Variants in MACROD2 observed in about 807,000 individuals in gnomAD.
MACROD2 encodes mono-ADP ribosylhydrolase 2.
A neutral mutation model predicts 70.4 loss-of-function variants in MACROD2; 36 were observed. That is an observed-to-expected ratio of 0.51 (90% CI 0.39 to 0.68). The LOEUF is 0.68. Among genes scored for constraint, MACROD2 ranks in the 30% least tolerant of loss-of-function variants. The pLI is 0.00. For synonymous variants in MACROD2, 172 were observed against 178.8 expected, an observed-to-expected ratio of 0.96 and a Z score of 0.30; for missense variants, 496 against 538.4, an observed-to-expected ratio of 0.92 and a Z score of 0.78.
At chr20:14,523,161 A>G (rs1040314035) in intron 4 of MACROD2, among the ~76,000 whole-genome samples, 13 of 152,232 alleles carry the variant, frequency 8.5e-5, no homozygotes, top group Non-Finnish European at 8.8e-5. Flanking sequence ...AGAAAAAAGG[A>G]AGCAAAGGGA....
chr20:15,223,403 T>G (rs557079975), intron 5 of MACROD2, among the ~76,000 whole-genome samples: 1 of 152,344 alleles, frequency 6.6e-6, no homozygotes, highest in South Asian at 2.1e-4. Flanking sequence ...ATGCTAATTC[T>G]GTGACAGCCA....
At chr20:14,037,082 A>G (rs545353813) in intron 2 of MACROD2, among the ~76,000 whole-genome samples, 104 of 152,218 alleles carry the variant, frequency 6.8e-4, no homozygotes, top group Non-Finnish European at 1.4e-3. Context: ...GTGGCATAAC[A>G]TGGTTTTTTA....
intron 4 of MACROD2, among the ~76,000 whole-genome samples, chr20:14,546,704 C>T (rs1384558431): frequency 6.6e-6 from 1 of 152,096 alleles, no homozygotes; most frequent in Non-Finnish European, 1.5e-5. Context: ...TAAACTCCTT[C>T]AGTTAGCCTA....
chr20:15,190,750 G>C (rs1327112941), intron 5 of MACROD2, among the ~76,000 whole-genome samples: 1 of 152,158 alleles, frequency 6.6e-6, no homozygotes, highest in Admixed American at 6.5e-5. Context: ...GGAGGCCTTA[G>C]AGTGGTTTCT....
intron 3 of MACROD2, among the ~76,000 whole-genome samples, chr20:14,294,972 G>T (rs2082415059): frequency 6.6e-6 from 1 of 151,628 alleles, no homozygotes; most frequent in South Asian, 2.1e-4. Context: ...GTCAGAAACA[G>T]CCAGTCAGTG....
At chr20:16,030,105 C>T (rs189970497) in intron 15 of MACROD2, among the ~76,000 whole-genome samples, 74 of 152,274 alleles carry the variant, frequency 4.9e-4, no homozygotes, top group African/African-American at 1.8e-3. Context: ...ACTCTTTCTC[C>T]TGGAAAGTTC....
chr20:14,267,514 A>G (rs2082153703), intron 3 of MACROD2, among the ~76,000 whole-genome samples: 1 of 152,112 alleles, frequency 6.6e-6, no homozygotes, highest in Non-Finnish European at 1.5e-5. Context: ...ATCTATTAAC[A>G]TTCTAGATAT....
chr20:14,132,147 AAG>A (rs2054727129), intron 3 of MACROD2, among the ~76,000 whole-genome samples: 1 of 150,934 alleles, frequency 6.6e-6, no homozygotes, highest in South Asian at 2.1e-4. Context: ...AAAAAAAAAA[AAG>A]ATTCTCCCAC....
intron 4 of MACROD2, among the ~76,000 whole-genome samples, chr20:14,541,475 C>T (rs2085431707): frequency 6.6e-6 from 1 of 152,104 alleles, no homozygotes; most frequent in Non-Finnish European, 1.5e-5. Context: ...AATTACAAGG[C>T]ATATTATGAA....
At chr20:15,522,558 A>G (rs1324030500) in intron 8 of MACROD2, among the ~76,000 whole-genome samples, 1 of 152,218 alleles carries the variant, frequency 6.6e-6, no homozygotes, top group Non-Finnish European at 1.5e-5. Context: ...TACTGTGTTG[A>G]GAGTAGCCCT....
intron 2 of MACROD2, among the ~76,000 whole-genome samples, chr20:14,071,183 C>T (rs770116296): frequency 6.7e-6 from 1 of 149,260 alleles, no homozygotes; most frequent in African/African-American, 2.5e-5. Context: ...CTGTTATATC[C>T]TCAAATGGAA....
chr20:14,975,466 A>G (rs2423887), intron 5 of MACROD2, among the ~76,000 whole-genome samples: 2,202 of 152,244 alleles, frequency 0.014, 37 homozygotes, highest in Admixed American at 0.037. Context: ...GTTTGGCAGC[A>G]GAGGGAAGGC....
intron 3 of MACROD2, among the ~76,000 whole-genome samples, chr20:14,361,277 A>G (rs778410669): frequency 2.0e-4 from 30 of 152,074 alleles, no homozygotes; most frequent in Non-Finnish European, 3.7e-4. Flanking sequence ...TTTTGCTTCC[A>G]TTTTTAAATC....
intron 2 of MACROD2, among the ~76,000 whole-genome samples, chr20:14,040,910 C>T (rs2258142): frequency 0.24 from 36,529 of 152,076 alleles, 5,480 homozygotes; most frequent in African/African-American, 0.43. Flanking sequence ...CATCTAATAG[C>T]AGAGATAAGT....
intron 8 of MACROD2, among the ~76,000 whole-genome samples, chr20:15,770,060 A>C (rs2051596007): frequency 6.7e-6 from 1 of 148,612 alleles, no homozygotes; most frequent in South Asian, 2.2e-4. Flanking sequence ...CTTGCCCATA[A>C]ATTTATTTTT....
chr20:15,598,527 C>T (rs940226487), intron 8 of MACROD2, among the ~76,000 whole-genome samples: 1 of 152,198 alleles, frequency 6.6e-6, no homozygotes, highest in Non-Finnish European at 1.5e-5. Flanking sequence ...CTGGTAACTG[C>T]TCTCAGAGCG....
chr20:15,438,950 T>G (rs1191064942), intron 7 of MACROD2, among the ~76,000 whole-genome samples: 1 of 152,200 alleles, frequency 6.6e-6, no homozygotes, highest in Non-Finnish European at 1.5e-5. Context: ...AACATTTCTA[T>G]TCTAGGAAAA....
chr20:14,558,514 A>G (rs1475844342), intron 4 of MACROD2, among the ~76,000 whole-genome samples: 1 of 151,804 alleles, frequency 6.6e-6, no homozygotes, highest in African/African-American at 2.4e-5. Context: ...ATACCATGTA[A>G]ACATGAATTT....
intron 6 of MACROD2, among the ~76,000 whole-genome samples, chr20:15,406,537 G>T (rs907068219): frequency 8.5e-5 from 13 of 152,152 alleles, no homozygotes; most frequent in African/African-American, 3.1e-4. Context: ...AGGGTAATAA[G>T]ACCAAATGGG....
Sources: allele counts gnomAD v4.1 joint callset (sites outside exome capture counted in the v4.1 genomes callset), GRCh38; gene constraint gnomAD v4.1.1; transcripts MANE v1.5; gene names NCBI Gene and HGNC (gene_info 2026-07-23, HGNC 2026-07-21).